Variants in TRIP4 observed in about 807,000 individuals in gnomAD.
The protein encoded by TRIP4 is thyroid hormone receptor interactor 4.
TRIP4 carries 54 observed loss-of-function variants against 81.8 expected under a neutral mutation model. That is an observed-to-expected ratio of 0.66 (90% confidence interval 0.53 to 0.83). The LOEUF (loss-of-function observed/expected upper bound fraction) is 0.83. Among genes scored for constraint, TRIP4 ranks in the 40% least tolerant of loss-of-function variants. The pLI, the probability that TRIP4 is intolerant of heterozygous loss-of-function variation, is 0.00. For synonymous variants in TRIP4, 270 were observed against 242.8 expected (o/e 1.11, Z -1.04); for missense variants, 662 against 683.6 (o/e 0.97, Z 0.35).
intron 12 of TRIP4, among the ~76,000 whole-genome samples, chr15:64,447,524 G>T (rs896164957): frequency 4.6e-5 from 7 of 152,200 alleles, no homozygotes; most frequent in Non-Finnish European, 8.8e-5. Context: ...AATGCTTAGA[G>T]TAGGAATTTA....
chr15:64,454,783 A>T (rs953384133), intron 12 of TRIP4, among the ~76,000 whole-genome samples: 1 of 152,198 alleles, frequency 6.6e-6, no homozygotes, highest in African/African-American at 2.4e-5. Context: ...CTTAGGACAA[A>T]TACTCATTGT....
chr15:64,426,014 TG>T (rs1892134140), intron 11 of TRIP4, among the ~76,000 whole-genome samples: 2 of 151,754 alleles, frequency 1.3e-5, no homozygotes, highest in Admixed American at 6.6e-5. Flanking sequence ...ACCCGGGAGA[TG>T]GAGGTTGCAT....
At chr15:64,392,990 C>T (rs1287019150) in intron 1 of TRIP4, among the ~76,000 whole-genome samples, 1 of 152,050 alleles carries the variant, frequency 6.6e-6, no homozygotes, top group Non-Finnish European at 1.5e-5. Flanking sequence ...TCCACCATTA[C>T]ACTGTGAAAA....
chr15:64,387,991 G>A, intron 1 of TRIP4, 27 bp downstream of exon 1: 4 of 1,540,078 alleles, frequency 2.6e-6, no homozygotes, highest in South Asian at 1.2e-5. Context: ...TCCAAGCGGG[G>A]AAGGAGCTCT....
intron 8 of TRIP4, among the ~76,000 whole-genome samples, chr15:64,416,302 G>A (rs551571247): frequency 1.3e-5 from 2 of 152,226 alleles, no homozygotes; most frequent in South Asian, 4.2e-4. Flanking sequence ...TTCTTTAATA[G>A]TATTATCAAA....
intron 12 of TRIP4, chr15:64,450,686 C>T (rs1396693338): frequency 7.2e-5 from 33 of 455,874 alleles, no homozygotes; most frequent in Admixed American, 2.4e-4. Context: ...GATGAAAGAA[C>T]GTCTGAATTC....
intron 7 of TRIP4, 74 bp downstream of exon 7, chr15:64,409,902 A>T (rs1383257208): frequency 3.0e-6 from 4 of 1,337,890 alleles, no homozygotes; most frequent in Non-Finnish European, 4.1e-6. Context: ...TTTCTAGTGG[A>T]TCTTTTATTT....
rs1892119372 is a variant in TRIP4, at chr15:64,425,455, T to A, written c.1484-85T>A. On this transcript the variant is annotated intron_variant, in intron 10 of 12. Transcript: ENST00000261884. Reference sequence around the variant, plus strand: ...TAGATAATGGAAAAAGTTATTAATGTTTGTTCAGAATTGAAAACAGATTCC... The same window carrying A: ...TAGATAATGGAAAAAGTTATTAATGATTGTTCAGAATTGAAAACAGATTCC... 3 of 1,151,994 alleles carry A rather than the reference T, an allele frequency of 2.6e-6. No individual in the cohort carries two copies. In the South Asian group the frequency reaches 4.1e-5, roughly 16 times the overall value. 71.4% of individuals were successfully genotyped at this position (1,151,994 alleles called of 1,614,324 possible).
chr15:64,414,083 A>T lies in TRIP4; in HGVS notation c.1044-2A>T, dbSNP rs1891832401. 6.2e-7 allele frequency: 1 copy of T among 1,613,598 alleles called. No homozygotes were observed. The highest frequency in any genetic ancestry group is 2.2e-5 in the East Asian group (1 of 44,876). On this transcript the variant is annotated splice_acceptor_variant, in intron 7 of 12. Transcript: ENST00000261884. LOFTEE classifies it high-confidence loss of function. ...TTGCATCCTTTTGGTTTATTATCACAGACTAGATGAGACAATACAGGCCAT... is the reference window on the plus strand; with the variant it reads ...TTGCATCCTTTTGGTTTATTATCACTGACTAGATGAGACAATACAGGCCAT...
At position 64,409,271 on chromosome 15, in the gene TRIP4, A is replaced by C. The variant is rs184749942; in HGVS notation, c.828-342A>C. On this transcript the variant is annotated intron_variant, in intron 6 of 12. Coordinates refer to ENST00000261884, the MANE Select transcript of TRIP4 (RefSeq NM_016213.5). ...CTCCAGTAAGCAAATAAGCCTAGCA[A>C]GAATAGGCTGGATCCCAGTTACAGA... 5.9e-5 allele frequency among the ~76,000 whole-genome samples: 9 copies of C among 152,316 alleles called. No homozygotes were observed. The East Asian group carries it at 1.7e-3, about 29-fold the overall frequency.
At chr15:64,436,011 C>CA (rs1333599521) in intron 11 of TRIP4, among the ~76,000 whole-genome samples, 1 of 151,930 alleles carries the variant, frequency 6.6e-6, no homozygotes, top group Admixed American at 6.6e-5. Flanking sequence ...TAAAACATCT[C>CA]AGGCTGGGCG....
chr15:64,430,912 T>C (rs1218596430), intron 11 of TRIP4, among the ~76,000 whole-genome samples: 4 of 152,282 alleles, frequency 2.6e-5, no homozygotes, highest in South Asian at 4.1e-4. Context: ...ATATTACTTC[T>C]TCCTTTTTCT....
At chr15:64,395,134 C>G (rs1165601869) in intron 2 of TRIP4, among the ~76,000 whole-genome samples, 1 of 152,192 alleles carries the variant, frequency 6.6e-6, no homozygotes, top group Non-Finnish European at 1.5e-5. Context: ...ATGTGAGCCA[C>G]TAAGCCTGAT....
intron 9 of TRIP4, among the ~76,000 whole-genome samples, chr15:64,421,242 A>G (rs907170800): frequency 6.6e-6 from 1 of 151,172 alleles, no homozygotes; most frequent in Non-Finnish European, 1.5e-5. Flanking sequence ...AGATTGCATC[A>G]TTGCACTCCA....
chr15:64,429,353 G>A (rs1892220224), intron 11 of TRIP4, among the ~76,000 whole-genome samples: 1 of 152,084 alleles, frequency 6.6e-6, no homozygotes, highest in African/African-American at 2.4e-5. Context: ...AAGAAATGTA[G>A]TTGTCTAATC....
chr15:64,415,216 T>C (rs547551743), intron 8 of TRIP4, among the ~76,000 whole-genome samples: 7 of 152,018 alleles, frequency 4.6e-5, no homozygotes, highest in African/African-American at 1.2e-4. Context: ...GATATAGATA[T>C]AGGAATTTCC....
intron 12 of TRIP4, among the ~76,000 whole-genome samples, chr15:64,449,804 G>A (rs1254540001): frequency 1.3e-5 from 2 of 152,124 alleles, no homozygotes; most frequent in Non-Finnish European, 2.9e-5. Context: ...TTTAAATTTA[G>A]CAACATGCTC....
intron 10 of TRIP4, among the ~76,000 whole-genome samples, chr15:64,424,594 T>G (rs1448985960): frequency 4.6e-5 from 7 of 152,202 alleles, no homozygotes; most frequent in Non-Finnish European, 8.8e-5. Flanking sequence ...ATACTAACTT[T>G]GGATCCTTAA....
At chr15:64,394,478 G>T (rs1310826176) in intron 2 of TRIP4, among the ~76,000 whole-genome samples, 2 of 151,832 alleles carry the variant, frequency 1.3e-5, no homozygotes, top group Non-Finnish European at 2.9e-5. Context: ...GGAGGCAGGC[G>T]CCTGTAGTCC....
Sources: gnomAD v4.1 joint callset for allele counts (sites outside exome capture counted in the v4.1 genomes callset) on GRCh38, gnomAD v4.1.1 for gene constraint, MANE v1.5 for transcripts, NCBI Gene and HGNC (gene_info 2026-07-23, HGNC 2026-07-21) for gene names.